UTRN: variants seen among roughly 807,000 people sequenced by gnomAD.
UTRN encodes utrophin.
In UTRN, 283 loss-of-function variants were observed where a neutral mutation model predicts 463.9. The ratio of observed to expected loss-of-function variants is 0.61; its 90% CI spans 0.55 to 0.67. UTRN has a LOEUF of 0.67. UTRN is among the 30% of genes least tolerant of loss of function. UTRN has a pLI of 0.00. For missense variants in UTRN, 3,922 were observed against 4,084.3 expected (o/e 0.96, Z 1.08); for synonymous variants, 1,442 against 1,431.5 (o/e 1.01, Z -0.17).
At chr6:144,477,033 TAGG>T (rs1324789553) in intron 25 of UTRN, among the ~76,000 whole-genome samples, 1 of 151,962 alleles carries the variant, frequency 6.6e-6, no homozygotes, top group Non-Finnish European at 1.5e-5. Flanking sequence ...GAGATTGAGA[TAGG>T]AGAATTTATC....
rs947082246 is a variant in UTRN, at chr6:144,728,398, A to G, written c.7810-1959A>G. Among the ~76,000 whole-genome samples the G allele has an allele frequency of 2.0e-5, 3 of 151,704 alleles. No individual in the cohort carries two copies. The South Asian group carries it at 6.2e-4, about 32-fold the overall frequency. On this transcript the variant is annotated intron_variant, in intron 53 of 74. Transcript: ENST00000367545. The stretch of plus-strand genomic sequence containing the variant: ...AAATGTGTATTTTTTTGGATTAAAA[A>G]TCTTTTTTTTTCCATTTTTCTTGTA...
At chr6:144,377,665 C>T (rs890000250) in intron 2 of UTRN, among the ~76,000 whole-genome samples, 1 of 152,160 alleles carries the variant, frequency 6.6e-6, no homozygotes, top group Non-Finnish European at 1.5e-5. Flanking sequence ...GGGCTGCTCC[C>T]TGTGTGTGGC....
intron 27 of UTRN, among the ~76,000 whole-genome samples, chr6:144,484,432 C>CTTTTTT (rs765122659): frequency 1.4e-4 from 9 of 66,256 alleles, no homozygotes; most frequent in East Asian, 3.8e-4. Context: ...AAAAACCAAA[C>CTTTTTT]TTTTTTTTTT....
At chr6:144,658,645 C>A (rs892338479) in intron 51 of UTRN, among the ~76,000 whole-genome samples, 1 of 152,164 alleles carries the variant, frequency 6.6e-6, no homozygotes, top group Non-Finnish European at 1.5e-5. Flanking sequence ...ATAAGCACTG[C>A]ATCTTTATGA....
intron 50 of UTRN, among the ~76,000 whole-genome samples, chr6:144,570,082 A>G (rs1800799801): frequency 6.6e-6 from 1 of 152,166 alleles, no homozygotes; most frequent in Non-Finnish European, 1.5e-5. Context: ...GTTTGTGGTT[A>G]TTTATGATAG....
At chr6:144,623,029 CT>C (rs1469483766) in intron 51 of UTRN, among the ~76,000 whole-genome samples, 4 of 152,174 alleles carry the variant, frequency 2.6e-5, no homozygotes, top group African/African-American at 9.7e-5. Context: ...AGCCAGATTT[CT>C]TCCAGAAAAT....
intron 65 of UTRN, among the ~76,000 whole-genome samples, chr6:144,818,784 AG>A (rs1454035479): frequency 6.6e-6 from 1 of 152,164 alleles, no homozygotes; most frequent in African/African-American, 2.4e-5. Context: ...CCATTGCAAA[AG>A]ATGTGAAAAT....
At chr6:144,656,661 A>T (rs1779342952) in intron 51 of UTRN, among the ~76,000 whole-genome samples, 1 of 152,348 alleles carries the variant, frequency 6.6e-6, no homozygotes, top group Admixed American at 6.5e-5. Context: ...ACTCACATTT[A>T]CAAGTCTTTT....
At chr6:144,645,521 A>G (rs1778203613) in intron 51 of UTRN, among the ~76,000 whole-genome samples, 1 of 152,236 alleles carries the variant, frequency 6.6e-6, no homozygotes, top group South Asian at 2.1e-4. Flanking sequence ...CACGTCATAA[A>G]ACGATACTTT....
intron 19 of UTRN, among the ~76,000 whole-genome samples, chr6:144,456,211 A>G (rs1788796654): frequency 6.6e-6 from 1 of 152,012 alleles, no homozygotes; most frequent in South Asian, 2.1e-4. Flanking sequence ...CTTCAGTAAA[A>G]CCCATATTTG....
At chr6:144,429,080 G>C (rs1040903965) in intron 8 of UTRN, among the ~76,000 whole-genome samples, 187 bp downstream of exon 8, 1 of 152,118 alleles carries the variant, frequency 6.6e-6, no homozygotes, top group Non-Finnish European at 1.5e-5. Context: ...CAGTTTGTGG[G>C]ATCTTTTAGG....
At chr6:144,439,706 T>C (rs1426388760) in intron 12 of UTRN, among the ~76,000 whole-genome samples, 1 of 152,188 alleles carries the variant, frequency 6.6e-6, no homozygotes, top group East Asian at 1.9e-4. Context: ...TTTCACCATG[T>C]TGGCCAGGCT....
chr6:144,699,965 T>G, intron 52 of UTRN, 122 bp from the exon 53 acceptor site: 1 of 811,494 alleles, frequency 1.2e-6, no homozygotes, highest in Non-Finnish European at 1.7e-6. Context: ...GTCAGTCTCT[T>G]TTGTGGAAGT....
At chr6:144,631,237 G>GGTGTGTGTGTGTGTGT (rs67332744) in intron 51 of UTRN, among the ~76,000 whole-genome samples, 15 of 147,418 alleles carry the variant, frequency 1.0e-4, no homozygotes, top group South Asian at 2.2e-4. Context: ...GAGAGAGAGA[G>GGTGTGTGTGTGTGTGT]GTGTGTGTGT....
At chr6:144,846,852 T>C in intron 74 of UTRN, 25 bp downstream of exon 74, 3 of 1,613,954 alleles carry the variant, frequency 1.9e-6, no homozygotes, top group Non-Finnish European at 2.5e-6. Context: ...CTTGGTTGGC[T>C]CTATGTTACT....
intron 55 of UTRN, among the ~76,000 whole-genome samples, chr6:144,749,426 G>C (rs1167867381): frequency 6.6e-6 from 1 of 152,136 alleles, no homozygotes; most frequent in Non-Finnish European, 1.5e-5. Context: ...AAGGGCTTAG[G>C]AGTCACACCT....
intron 51 of UTRN, among the ~76,000 whole-genome samples, chr6:144,590,087 C>T (rs1802868981): frequency 6.6e-6 from 1 of 152,078 alleles, no homozygotes; most frequent in African/African-American, 2.4e-5. Flanking sequence ...TCTCAAACTC[C>T]TGAGCTCAAG....
chr6:144,601,361 TG>T (rs1341041387), intron 51 of UTRN, among the ~76,000 whole-genome samples: 1 of 152,198 alleles, frequency 6.6e-6, no homozygotes, highest in Non-Finnish European at 1.5e-5. Flanking sequence ...TCTTGATTAA[TG>T]GCAGGAGGTC....
chr6:144,565,037 A>G (rs1237967824), intron 50 of UTRN, among the ~76,000 whole-genome samples: 1 of 152,112 alleles, frequency 6.6e-6, no homozygotes, highest in Admixed American at 6.5e-5. Flanking sequence ...AAAGGAAGTG[A>G]TGGTTGTGGT....
Sources: gnomAD v4.1 joint callset for allele counts (sites outside exome capture counted in the v4.1 genomes callset) on GRCh38, gnomAD v4.1.1 for gene constraint, MANE v1.5 for transcripts, NCBI Gene and HGNC (gene_info 2026-07-23, HGNC 2026-07-21) for gene names.